The following ASAP3 variants were observed in gnomAD, a reference collection of about 807,000 sequenced individuals.
ASAP3 encodes the protein arf-GAP with SH3 domain, ANK repeat and PH domain-containing protein 3.
A neutral mutation model predicts 118.2 loss-of-function variants in ASAP3; 85 were observed. The ratio of observed to expected loss-of-function variants is 0.72; its 90% CI spans 0.60 to 0.86. The LOEUF is 0.86. Ranked by LOEUF, ASAP3 falls within the 40% of genes least tolerant of loss-of-function variation. The pLI, the probability that ASAP3 is intolerant of heterozygous loss-of-function variation, is 0.00. For missense variants in ASAP3, 1,026 were observed against 1,175.0 expected (o/e 0.87, Z 1.85); for synonymous variants, 432 against 477.4 (o/e 0.90, Z 1.24).
rs78137953 is a variant in ASAP3, at chr1:23,442,907, T to C, written c.474-295A>G. Among the ~76,000 whole-genome samples the C allele has an allele frequency of 8.9e-3, 1,360 of 152,180 alleles. 22 individuals are homozygous for C. Among genetic ancestry groups the C allele is most frequent in the African/African-American group, 0.031 (1,287 of 41,502 alleles). ...AGCTGGGATCTGAAGCCTGAGAAGC[T>C]TGGAGGAAGCTACTGCTGGGCAAGA... On this transcript the variant is annotated intron_variant, in intron 5 of 24. Coordinates refer to ENST00000336689, the MANE Select transcript of ASAP3 (RefSeq NM_017707.4).
chr1:23,463,318 A>T (rs1449919779), intron 1 of ASAP3, among the ~76,000 whole-genome samples: 1 of 152,174 alleles, frequency 6.6e-6, no homozygotes, highest in Non-Finnish European at 1.5e-5. Flanking sequence ...GATAACACCT[A>T]TCCTGTGGTA....
chr1:23,467,734 G>A (rs555859751), intron 1 of ASAP3, among the ~76,000 whole-genome samples: 2 of 152,010 alleles, frequency 1.3e-5, no homozygotes, highest in South Asian at 2.1e-4. Flanking sequence ...GGTGGATCAC[G>A]AGGTCAGGAG....
intron 9 of ASAP3, 39 bp from the exon 10 acceptor site, chr1:23,441,250 C>T: frequency 6.2e-7 from 1 of 1,611,924 alleles, no homozygotes; most frequent in South Asian, 1.1e-5. Flanking sequence ...CAGGGCATCT[C>T]AGTGGGAAGA....
chr1:23,448,663 C>T (rs930357792), intron 5 of ASAP3, among the ~76,000 whole-genome samples: 6 of 151,990 alleles, frequency 3.9e-5, no homozygotes, highest in African/African-American at 1.5e-4. Flanking sequence ...GGCAAGGTCT[C>T]ACTATGTTGC....
intron 3 of ASAP3, among the ~76,000 whole-genome samples, chr1:23,453,445 ATCTTTATTTTGGTAAGATGG>A (rs1309541104): frequency 6.6e-6 from 1 of 152,130 alleles, no homozygotes; most frequent in Non-Finnish European, 1.5e-5. Context: ...GAGAAAGACC[ATCTTTATTTTGGTAAGATGG>A]GCATCTGGGC....
At chr1:23,450,633 G>C (rs1206258605) in intron 5 of ASAP3, among the ~76,000 whole-genome samples, 3 of 150,318 alleles carry the variant, frequency 2.0e-5, no homozygotes, top group African/African-American at 7.4e-5. Flanking sequence ...AAACAACAGA[G>C]AGTATTATCC....
chr1:23,432,004 ATTTTTT>A, intron 22 of ASAP3, 86 bp from the exon 23 acceptor site: 15 of 622,564 alleles, frequency 2.4e-5, no homozygotes, highest in East Asian at 1.5e-4. Context: ...GGCCTCTAGG[ATTTTTT>A]TTTTTTTTTT....
intron 1 of ASAP3, 95 bp from the exon 2 acceptor site, chr1:23,456,289 G>A (rs924342105): frequency 2.9e-5 from 34 of 1,172,654 alleles, no homozygotes; most frequent in Admixed American, 1.2e-4. Flanking sequence ...CCCCCCAACC[G>A]CCCTCCAAAC....
intron 10 of ASAP3, 58 bp from the exon 11 acceptor site, chr1:23,439,288 G>A (rs1252552606): frequency 6.4e-7 from 1 of 1,551,438 alleles, no homozygotes; most frequent in Admixed American, 1.7e-5. Flanking sequence ...GTTCGCAGGT[G>A]TCAGAGAACA....
intron 4 of ASAP3, among the ~76,000 whole-genome samples, chr1:23,452,164 C>T (rs1188278103): frequency 2.0e-5 from 3 of 152,176 alleles, no homozygotes; most frequent in African/African-American, 4.8e-5. Context: ...GCTGGTGCCA[C>T]GCTGGCAGCC....
At chr1:23,444,194 C>T (rs1168689548) in intron 5 of ASAP3, among the ~76,000 whole-genome samples, 1 of 152,186 alleles carries the variant, frequency 6.6e-6, no homozygotes, top group Non-Finnish European at 1.5e-5. Context: ...TAAGTGGAGA[C>T]AGAAAGCGCT....
Position 23,437,411 on chromosome 1 carries a change from A to AGGGGGC in ASAP3, c.1151+7_1151+12dup, listed in dbSNP as rs1558119188. ...CCCACAAGGCTGGCCGGGCTGGCCGAGGGGGCACTCACGCCTCACACTCGT... is the reference window on the plus strand; with the variant it reads ...CCCACAAGGCTGGCCGGGCTGGCCGAGGGGGCGGGGGCACTCACGCCTCACACTCGT... On this transcript the variant is annotated intron_variant, in intron 13 of 24. Coordinates refer to ENST00000336689, the MANE Select transcript of ASAP3 (RefSeq NM_017707.4). This position sits in a 1 kb window ranked among gnomAD's most constrained non-coding sequence, Gnocchi z 6.1. The AGGGGGC allele has an allele frequency of 6.2e-7, 1 of 1,613,692 alleles. No individual in the cohort carries two copies. Among genetic ancestry groups the AGGGGGC allele is most frequent in the South Asian group, 1.1e-5 (1 of 91,052 alleles).
In ASAP3 at chr1:23,436,927, C is replaced by T. The variant is rs766479444; in HGVS notation, c.1460G>A (p.Gly487Asp). 5 of 1,611,958 alleles carry T rather than the reference C, an allele frequency of 3.1e-6. No homozygotes were observed. The highest frequency in any genetic ancestry group is 4.2e-6 in the Non-Finnish European group (5 of 1,179,696). Reference protein sequence around the residue: ...RMQSLTLDLLGPSELLLALNM... With the variant: ...RMQSLTLDLLDPSELLLALNM... The stretch of plus-strand genomic sequence containing the variant: ...CGCCCTCACCAACAACTCGGAGGGG[C>T]CCAGCAGGTCCAAGGTGAGTGACTG... Residue 487 changes from glycine to aspartate, a missense_variant, in exon 15 of 25, where the codon GGC becomes GAC. Gly to Asp is a moderately conservative substitution (Grantham distance 94). Coordinates refer to ENST00000336689, the MANE Select transcript of ASAP3 (RefSeq NM_017707.4). This position sits in a 1 kb window ranked among gnomAD's most constrained non-coding sequence, Gnocchi z 4.2.
intron 5 of ASAP3, among the ~76,000 whole-genome samples, chr1:23,448,751 A>G (rs2148627002): frequency 6.6e-6 from 1 of 152,270 alleles, no homozygotes; most frequent in South Asian, 2.1e-4. Context: ...ACAGGCTCCT[A>G]GTTATAATTT....
rs1640317990 is a variant in ASAP3 at position 23,428,650 on chromosome 1, C to A, written c.*1206G>T. On this transcript the variant is annotated 3_prime_UTR_variant, in exon 25 of 25. Transcript: ENST00000336689. ...AGACACTGGGGGCTCAAAAGACAAC[C>A]CTGTTCCTGTGGGAACCACAGACCA... 6.6e-6 allele frequency: 1 copy of A among 152,564 alleles called. No individual in the cohort carries two copies. The highest frequency in any genetic ancestry group is 2.4e-5 in the African/African-American group (1 of 41,456). The allele number at this position is 152,564 out of a possible 1,614,324, so 9.5% of individuals were successfully genotyped here.
At chr1:23,448,156 T>C (rs1447442405) in intron 5 of ASAP3, among the ~76,000 whole-genome samples, 3 of 152,216 alleles carry the variant, frequency 2.0e-5, no homozygotes, top group Non-Finnish European at 4.4e-5. Context: ...TAAATGCTAG[T>C]TACTAAGACC....
At chr1:23,449,477 G>A (rs1453876978) in intron 5 of ASAP3, among the ~76,000 whole-genome samples, 1 of 152,194 alleles carries the variant, frequency 6.6e-6, no homozygotes, top group Non-Finnish European at 1.5e-5. Flanking sequence ...AGTGGTATTT[G>A]ACAGATGCTA....
Position 23,431,859 on chromosome 1 carries a change from T to C in ASAP3, c.2383A>G (p.Ser795Gly). The C allele has an allele frequency of 6.3e-7, 1 of 1,598,352 alleles. No individual in the cohort carries two copies. Among genetic ancestry groups the C allele is most frequent in the African/African-American group, 1.4e-5 (1 of 73,814 alleles). Residue 795 changes from serine (S) to glycine (G), a missense_variant, in exon 23 of 25, where the codon AGT becomes GGT. Coordinates refer to ENST00000336689, the MANE Select transcript of ASAP3 (RefSeq NM_017707.4). ...EAPETPESLG[S>G]PASSSSLMSP... ...ATCAGACTGGAGGAGGAGGCTGGAC[T>C]GCCCAGGCTCTCAGGGGTCTCAGGG...
At chr1:23,462,648 A>G (rs2148647015) in intron 1 of ASAP3, among the ~76,000 whole-genome samples, 1 of 152,144 alleles carries the variant, frequency 6.6e-6, no homozygotes, top group East Asian at 2.0e-4. Flanking sequence ...AGTCCCAGCT[A>G]CTAGGGAGGC....
Sources: allele counts gnomAD v4.1 joint callset (sites outside exome capture counted in the v4.1 genomes callset), GRCh38; gene constraint gnomAD v4.1.1; non-coding constraint Gnocchi (gnomAD v3.1); transcripts MANE v1.5; gene names NCBI Gene and HGNC (gene_info 2026-07-23, HGNC 2026-07-21).